CCSER2: variants seen among roughly 807,000 people sequenced by gnomAD.
CCSER2 encodes coiled-coil serine rich protein 2.
In CCSER2, 46 loss-of-function variants were observed where a neutral mutation model predicts 92.3. The ratio of observed to expected loss-of-function variants is 0.50; its 90% confidence interval spans 0.39 to 0.64. The LOEUF is 0.64. CCSER2 is among the 30% of genes least tolerant of loss of function. CCSER2 has a pLI of 0.00. For synonymous variants in CCSER2, 433 were observed against 431.4 expected (o/e 1.00, Z -0.04); for missense variants, 1,244 against 1,238.9 (o/e 1.00, Z -0.06).
At position 84,328,602 on chromosome 10, in the gene CCSER2, G is replaced by A. The variant is rs1361298053; in HGVS notation, c.-246G>A. On this transcript the variant is annotated 5_prime_UTR_variant, in exon 1 of 10. Coordinates refer to ENST00000372088, the MANE Select transcript of CCSER2 (RefSeq NM_001284240.2). ...GCCCTGGAGGGCGGAGTCCGGGCGG[G>A]CGCCGGCCGAGGGAGGGGGCGCGGC... The A allele has an allele frequency of 6.6e-6, 1 of 150,766 alleles. No individual in the cohort carries two copies. The highest frequency in any genetic ancestry group is 2.4e-5 in the African/African-American group (1 of 41,268). 9.3% of individuals were successfully genotyped at this position (150,766 alleles called of 1,614,324 possible). A position where few individuals can be genotyped will look rare whatever the true frequency, so the allele number is the denominator to read the frequency against.
intron 6 of CCSER2, among the ~76,000 whole-genome samples, chr10:84,445,437 G>A (rs1335687031): frequency 6.6e-6 from 1 of 152,216 alleles, no homozygotes; most frequent in African/African-American, 2.4e-5. Context: ...ACAGGCGTGA[G>A]CCACCGCACC....
chr10:84,344,928 T>A (rs1480823195), intron 1 of CCSER2, among the ~76,000 whole-genome samples: 1 of 151,310 alleles, frequency 6.6e-6, no homozygotes, highest in Non-Finnish European at 1.5e-5. Context: ...ATGAGAATAA[T>A]AAAAATATCT....
chr10:84,343,803 A>G (rs552554886), intron 1 of CCSER2, among the ~76,000 whole-genome samples: 1 of 152,352 alleles, frequency 6.6e-6, no homozygotes, highest in South Asian at 2.1e-4. Context: ...AGAGATTAAA[A>G]GTTTGCAGGT....
At chr10:84,439,832 C>A (rs957186308) in intron 6 of CCSER2, among the ~76,000 whole-genome samples, 3 of 152,196 alleles carry the variant, frequency 2.0e-5, no homozygotes, top group African/African-American at 7.2e-5. Flanking sequence ...CCTAGTTCAA[C>A]TGTAACTAGA....
At chr10:84,455,326 G>C (rs1158623667) in intron 6 of CCSER2, 1 of 142,632 alleles carries the variant, frequency 7.0e-6, no homozygotes, top group Non-Finnish European at 1.5e-5. Flanking sequence ...CCCAGATTGG[G>C]GTGCAGTGGC....
chr10:84,340,205 T>TA (rs1439438862), intron 1 of CCSER2, among the ~76,000 whole-genome samples: 1 of 152,214 alleles, frequency 6.6e-6, no homozygotes, highest in Admixed American at 6.5e-5. Context: ...CTGCTAGACA[T>TA]ATGTTCATTA....
chr10:84,346,949 C>A lies in CCSER2; in HGVS notation c.-40+18141C>A, dbSNP rs1321161443. ...TGTGGCCTTCCGCAGTGTTTGTGTCCCTGGGTACTTGAGATTAGGGAGTGG... is the reference window on the plus strand; with the variant it reads ...TGTGGCCTTCCGCAGTGTTTGTGTCACTGGGTACTTGAGATTAGGGAGTGG... On this transcript the variant is annotated intron_variant, in intron 1 of 9. Transcript: ENST00000372088. Among the ~76,000 whole-genome samples the A allele has an allele frequency of 3.3e-5, 5 of 151,776 alleles. No individual in the cohort carries two copies. The East Asian group carries it at 9.7e-4, about 29-fold the overall frequency.
chr10:84,466,301 A>G (rs1284328664), intron 7 of CCSER2, among the ~76,000 whole-genome samples: 11 of 152,144 alleles, frequency 7.2e-5, no homozygotes, highest in Non-Finnish European at 1.0e-4. Flanking sequence ...TAAAGTCTCC[A>G]TTGGACCTAC....
At position 84,513,807 on chromosome 10, in the gene CCSER2, G is replaced by A; in HGVS notation, c.2684G>A (p.Ser895Asn). 6.5e-7 allele frequency: 1 copy of A among 1,536,362 alleles called. No homozygotes were observed. The highest frequency in any genetic ancestry group is 8.7e-7 in the Non-Finnish European group (1 of 1,146,942). The change falls in exon 10 of 10, where the codon AGT (serine) becomes AAT (asparagine). Residue 895 changes from serine to asparagine, a missense_variant. Physicochemically the swap from Ser to Asn is conservative, Grantham distance 46. Coordinates refer to ENST00000372088, the MANE Select transcript of CCSER2 (RefSeq NM_001284240.2). ...TCTCTTCAGACACCTCCCGAGTCAA[G>A]TACAGTAGACCAGGCTAAGAGAGTT... ...PTSLQTPPES[S>N]TVDQAKRVGR...
chr10:84,507,312 A>G (rs1340436404), intron 9 of CCSER2: 3 of 985,096 alleles, frequency 3.0e-6, no homozygotes, highest in African/African-American at 1.7e-5. Flanking sequence ...AAGTTAGTCC[A>G]TTACTTCTCT....
chr10:84,336,922 TGATGGA>T (rs563837468), intron 1 of CCSER2, among the ~76,000 whole-genome samples: 52 of 152,322 alleles, frequency 3.4e-4, no homozygotes, highest in Middle Eastern at 6.8e-3. Context: ...AACAATTTAA[TGATGGA>T]TTGAATGTGG....
At position 84,425,106 on chromosome 10, in the gene CCSER2, T is replaced by C. The variant is rs188501961; in HGVS notation, c.1706-625T>C. 1.3e-3 allele frequency: 1,240 copies of C among 979,444 alleles called. 1 individual carries two copies. The highest frequency in any genetic ancestry group is 1.5e-3 in the Non-Finnish European group (1,203 of 824,462). The allele number at this position is 979,444 out of a possible 1,614,324, so 60.7% of individuals were successfully genotyped here. On this transcript the variant is annotated intron_variant, in intron 4 of 9. Coordinates refer to ENST00000372088, the MANE Select transcript of CCSER2 (RefSeq NM_001284240.2). Reference sequence around the variant, plus strand: ...ATTCTTTTCGTGTTTTTGTGGTATTTGGGTTTAAGGGAGTGTACTGTTTGT... The same window carrying C: ...ATTCTTTTCGTGTTTTTGTGGTATTCGGGTTTAAGGGAGTGTACTGTTTGT...
At chr10:84,434,159 CCTT>C (rs1314643697) in intron 5 of CCSER2, among the ~76,000 whole-genome samples, 2 of 151,984 alleles carry the variant, frequency 1.3e-5, no homozygotes, top group Non-Finnish European at 2.9e-5. Context: ...TTTTTATTAC[CCTT>C]CTTACACATT....
chr10:84,393,674 C>T (rs1435188994), intron 3 of CCSER2, among the ~76,000 whole-genome samples: 1 of 152,182 alleles, frequency 6.6e-6, no homozygotes, highest in African/African-American at 2.4e-5. Flanking sequence ...TTTTTCTCTA[C>T]TTACATGTAT....
chr10:84,371,945 G>A lies in CCSER2; in HGVS notation c.893G>A (p.Gly298Glu). 1.9e-6 allele frequency: 3 copies of A among 1,613,788 alleles called. No homozygotes were observed. Among genetic ancestry groups the A allele is most frequent in the Non-Finnish European group, 2.5e-6 (3 of 1,179,820 alleles). Residue 298 changes from glycine (G) to glutamate (E), a missense_variant, in exon 2 of 10, where the codon GGA (glycine) becomes GAA (glutamate). Coordinates refer to ENST00000372088, the MANE Select transcript of CCSER2 (RefSeq NM_001284240.2). ...TTTAATAGGCCTTATGCTGCTGGTG[G>A]AAAGAAGTTGGCTTTACCAAATGGC... ...YGFNRPYAAG[G>E]KKLALPNGPG...
intron 3 of CCSER2, among the ~76,000 whole-genome samples, chr10:84,374,172 G>A (rs1846210271): frequency 6.6e-6 from 1 of 151,976 alleles, no homozygotes; most frequent in African/African-American, 2.4e-5. Flanking sequence ...GCATCTAGTG[G>A]GTAGATGCCA....
chr10:84,495,330 T>C (rs1848391291), intron 9 of CCSER2, among the ~76,000 whole-genome samples: 1 of 152,218 alleles, frequency 6.6e-6, no homozygotes, highest in Admixed American at 6.5e-5. Context: ...ACACATTCTG[T>C]ATAATTTCAA....
rs760979146 is a variant in CCSER2 at position 84,438,628 on chromosome 10, A to C, written c.1985A>C (p.Glu662Ala). 6.2e-7 allele frequency: 1 copy of C among 1,613,842 alleles called. No individual in the cohort carries two copies. The highest frequency in any genetic ancestry group is 1.1e-5 in the South Asian group (1 of 91,064). Residue 662 changes from glutamate (E) to alanine (A), a missense_variant, in exon 6 of 10, where the codon GAG becomes GCG. Physicochemically the swap from Glu to Ala is moderately radical, Grantham distance 107 (BLOSUM62 -1). Transcript: ENST00000372088. ...CCAGAAAATACAGTGATACTGGATG[A>C]GATGACCCTTCGGCACATGGTTCAG... The part of the protein sequence containing the change: ...DVPENTVILD[E>A]MTLRHMVQDC...
At chr10:84,391,037 A>G (rs1841489732) in intron 3 of CCSER2, 1 of 776,610 alleles carries the variant, frequency 1.3e-6, no homozygotes. Flanking sequence ...ACATTAGCAG[A>G]TTCAGTAGGA....
Sources: allele counts gnomAD v4.1 joint callset (sites outside exome capture counted in the v4.1 genomes callset), GRCh38; gene constraint gnomAD v4.1.1; transcripts MANE v1.5; gene names NCBI Gene and HGNC (gene_info 2026-07-23, HGNC 2026-07-21).